Variants in KCNN2 observed in about 807,000 individuals in gnomAD.
The protein encoded by KCNN2 is small conductance calcium-activated potassium channel protein 2.
A neutral mutation model predicts 55.5 loss-of-function variants in KCNN2; 24 were observed. That is an observed-to-expected ratio of 0.43 (90% CI 0.31 to 0.61). The LOEUF is 0.61. Ranked by LOEUF, KCNN2 falls within the 20% of genes least tolerant of loss-of-function variation. The pLI is 0.08. For synonymous variants in KCNN2, 431 were observed against 336.1 expected (o/e 1.28, Z -3.09); for missense variants, 754 against 853.6 (o/e 0.88, Z 1.45).
At chr5:114,460,093 C>A (rs941871253) in intron 3 of KCNN2, among the ~76,000 whole-genome samples, 1 of 152,176 alleles carries the variant, frequency 6.6e-6, no homozygotes, top group Non-Finnish European at 1.5e-5. Flanking sequence ...GACCTTCACA[C>A]CCATGCCAAA....
intron 1 of KCNN2, among the ~76,000 whole-genome samples, chr5:114,077,375 G>A (rs1369363636): frequency 6.6e-6 from 1 of 152,238 alleles, no homozygotes; most frequent in African/African-American, 2.4e-5. Flanking sequence ...GGTCAGTGGG[G>A]TACAGAGATG....
rs1004845521 is a variant in KCNN2, at chr5:114,374,278, G to A, written c.1218+10277G>A. Reference sequence around the variant, plus strand: ...AAGCACTCCTAAAAGTAAGCAAGGGGAATAATTTGGATGATGGAAAATTCT... The same window carrying A: ...AAGCACTCCTAAAAGTAAGCAAGGGAAATAATTTGGATGATGGAAAATTCT... On this transcript the variant is annotated intron_variant, in intron 2 of 7. Coordinates refer to ENST00000673685, the MANE Select transcript of KCNN2 (RefSeq NM_021614.4). Among the ~76,000 whole-genome samples the A allele has an allele frequency of 1.3e-4, 20 of 152,134 alleles. 1 individual carries two copies. Among genetic ancestry groups the A allele is most frequent in the Admixed American group, 1.1e-3 (17 of 15,248 alleles).
intron 1 of KCNN2, among the ~76,000 whole-genome samples, chr5:114,060,038 G>GTA (rs1249784681): frequency 6.6e-6 from 1 of 152,224 alleles, no homozygotes; most frequent in Admixed American, 6.5e-5. Context: ...GTCCCTAACA[G>GTA]CCCTAGCCCC....
intron 2 of KCNN2, among the ~76,000 whole-genome samples, chr5:114,321,779 C>T (rs1485414583): frequency 6.6e-6 from 1 of 152,094 alleles, no homozygotes; most frequent in African/African-American, 2.4e-5. Context: ...AAGTGATTCT[C>T]CTGCCTCAGC....
chr5:114,125,622 G>A (rs949577040), intron 1 of KCNN2, among the ~76,000 whole-genome samples: 2 of 152,148 alleles, frequency 1.3e-5, no homozygotes, highest in Admixed American at 1.3e-4. Flanking sequence ...GACTTGTAGG[G>A]TGCATTAGTT....
At chr5:114,194,705 G>GT (rs1191864737) in intron 1 of KCNN2, among the ~76,000 whole-genome samples, 53 of 151,750 alleles carry the variant, frequency 3.5e-4, no homozygotes, top group Non-Finnish European at 3.8e-4. Flanking sequence ...TAATTTTGAT[G>GT]TTTTTTTCTT....
At chr5:114,368,703 G>T (rs2150049373) in intron 2 of KCNN2, among the ~76,000 whole-genome samples, 1 of 152,312 alleles carries the variant, frequency 6.6e-6, no homozygotes, top group South Asian at 2.1e-4. Context: ...AATAAAAAGT[G>T]AAAGTCGCAT....
chr5:114,057,620 A>C (rs2632150), intron 1 of KCNN2, among the ~76,000 whole-genome samples: 25,093 of 152,164 alleles, frequency 0.16, 2,928 homozygotes, highest in East Asian at 0.4. Flanking sequence ...ATCAATAAAC[A>C]AACTATATAA....
chr5:114,373,688 G>C (rs1457365175), intron 2 of KCNN2, among the ~76,000 whole-genome samples: 1 of 98,036 alleles, frequency 1.0e-5, no homozygotes, highest in Non-Finnish European at 2.2e-5. Context: ...CTGGCATGTG[G>C]TAAGGGCTAT....
chr5:114,383,202 A>C (rs1758177954), intron 2 of KCNN2, among the ~76,000 whole-genome samples: 2 of 152,116 alleles, frequency 1.3e-5, no homozygotes, highest in African/African-American at 4.8e-5. Flanking sequence ...TTCTTAGTTT[A>C]AGTCCCCTGT....
chr5:114,344,130 T>G (rs1757065828), intron 2 of KCNN2, among the ~76,000 whole-genome samples: 1 of 152,160 alleles, frequency 6.6e-6, no homozygotes, highest in African/African-American at 2.4e-5. Context: ...AATGTGAGGT[T>G]GAGGGCATGG....
chr5:114,471,873 C>G (rs1761762184), intron 4 of KCNN2, among the ~76,000 whole-genome samples: 1 of 152,126 alleles, frequency 6.6e-6, no homozygotes, highest in African/African-American at 2.4e-5. Flanking sequence ...TCAATCGTGT[C>G]CCTCCTGCCA....
intron 1 of KCNN2, among the ~76,000 whole-genome samples, chr5:114,144,465 C>T (rs1008396957): frequency 1.1e-4 from 17 of 152,142 alleles, no homozygotes; most frequent in Non-Finnish European, 2.4e-4. Flanking sequence ...ATCATTACTG[C>T]AATTAATGTA....
At chr5:114,379,262 A>C (rs931945026) in intron 2 of KCNN2, among the ~76,000 whole-genome samples, 5 of 151,918 alleles carry the variant, frequency 3.3e-5, no homozygotes, top group Admixed American at 6.6e-5. Context: ...CACTTGCAAG[A>C]GTCCTCAGGA....
intron 1 of KCNN2, among the ~76,000 whole-genome samples, chr5:114,208,207 A>G (rs535793624): frequency 5.9e-5 from 9 of 152,264 alleles, no homozygotes; most frequent in Non-Finnish European, 1.3e-4. Context: ...CAAATTCAAG[A>G]TTTCTAACTT....
At chr5:114,455,683 T>C (rs1445357053) in intron 3 of KCNN2, among the ~76,000 whole-genome samples, 1 of 152,202 alleles carries the variant, frequency 6.6e-6, no homozygotes, top group African/African-American at 2.4e-5. Flanking sequence ...TTTATCCAAG[T>C]TGTGAATGCA....
intron 1 of KCNN2, among the ~76,000 whole-genome samples, chr5:114,154,122 G>C (rs560565862): frequency 2.6e-5 from 4 of 152,210 alleles, no homozygotes; most frequent in Non-Finnish European, 5.9e-5. Context: ...TTTTACTCCA[G>C]TCTGAGGGTG....
intron 1 of KCNN2, among the ~76,000 whole-genome samples, chr5:114,189,037 T>C (rs760817702): frequency 3.3e-4 from 50 of 152,212 alleles, no homozygotes; most frequent in Middle Eastern, 3.4e-3. Context: ...CAGGAAGTGA[T>C]ACAAAGTTGA....
intron 2 of KCNN2, among the ~76,000 whole-genome samples, chr5:114,316,004 C>T (rs1407711191): frequency 6.6e-6 from 1 of 152,056 alleles, no homozygotes; most frequent in African/African-American, 2.4e-5. Flanking sequence ...CTTGTATTTA[C>T]CAAGGAACCT....
Sources: allele counts gnomAD v4.1 joint callset (sites outside exome capture counted in the v4.1 genomes callset), GRCh38; gene constraint gnomAD v4.1.1; transcripts MANE v1.5; gene names NCBI Gene and HGNC (gene_info 2026-07-23, HGNC 2026-07-21).